EFHC1: variants seen among roughly 807,000 people sequenced by gnomAD.
The protein encoded by EFHC1 is EF-hand domain-containing protein 1.
Under a neutral mutation model 69.9 loss-of-function variants are expected in EFHC1, and 53 were observed. That is an observed-to-expected ratio of 0.76 (90% CI 0.61 to 0.95). The LOEUF (loss-of-function observed/expected upper bound fraction) is 0.95, where lower values mean the gene tolerates loss of function less well. Among genes scored for constraint, EFHC1 ranks in the 40% least tolerant of loss-of-function variants. The pLI is 0.00. For missense variants in EFHC1, 739 were observed against 798.7 expected (o/e 0.93, Z 0.90); for synonymous variants, 256 against 278.4 (o/e 0.92, Z 0.80).
intron 1 of EFHC1, among the ~76,000 whole-genome samples, chr6:52,422,905 A>C (rs971202936): frequency 1.3e-5 from 2 of 152,224 alleles, no homozygotes; most frequent in Non-Finnish European, 2.9e-5. Flanking sequence ...TAAATCATAA[A>C]TATTTTCACC....
rs1333341080 is a variant in EFHC1 at position 52,493,909 on chromosome 6, C to G, written c.*1568C>G. Reference sequence around the variant, plus strand: ...AGACTGCTTTGCCCTCTCAGAACTTCTAGGGAACTTCCCTTGGTGTTTCCT... The same window carrying G: ...AGACTGCTTTGCCCTCTCAGAACTTGTAGGGAACTTCCCTTGGTGTTTCCT... On this transcript the variant is annotated 3_prime_UTR_variant, in exon 11 of 11. Coordinates refer to ENST00000371068, the MANE Select transcript of EFHC1 (RefSeq NM_018100.4). 4.4e-6 allele frequency: 2 copies of G among 454,128 alleles called. No homozygotes were observed. The highest frequency in any genetic ancestry group is 1.4e-4 in the East Asian group (2 of 14,402). The allele number at this position is 454,128 out of a possible 1,614,324, so 28.1% of individuals were successfully genotyped here. A position where few individuals can be genotyped will look rare whatever the true frequency, so the allele number is the denominator to read the frequency against.
intron 7 of EFHC1, among the ~76,000 whole-genome samples, chr6:52,472,806 CTTTAGGTGTTACATATCT>C (rs1765467776): frequency 6.6e-6 from 1 of 151,610 alleles, no homozygotes; most frequent in African/African-American, 2.4e-5. Flanking sequence ...TACAAAAACA[CTTTAGGTGTTACATATCT>C]TTTAGGTGTT....
At chr6:52,455,688 G>A (rs1045679819) in intron 5 of EFHC1, among the ~76,000 whole-genome samples, 36 of 152,084 alleles carry the variant, frequency 2.4e-4, no homozygotes, top group African/African-American at 7.0e-4. Flanking sequence ...CAGGTATTGA[G>A]CAAGAAGTTT....
intron 1 of EFHC1, chr6:52,420,898 G>A: frequency 3.7e-6 from 2 of 538,526 alleles, no homozygotes; most frequent in Non-Finnish European, 5.3e-6. Flanking sequence ...TCCGTCCATC[G>A]CCGCCCTTAA....
chr6:52,490,621 A>T, intron 10 of EFHC1: 2 of 588,246 alleles, frequency 3.4e-6, no homozygotes, highest in Non-Finnish European at 6.0e-6. Flanking sequence ...GAAGAAGGGC[A>T]ACAGAGACGA....
intron 6 of EFHC1, among the ~76,000 whole-genome samples, chr6:52,466,494 C>T (rs948194934): frequency 2.0e-5 from 3 of 152,160 alleles, no homozygotes; most frequent in Non-Finnish European, 4.4e-5. Flanking sequence ...GGGCAAAAAG[C>T]CTTTCATCTC....
chr6:52,439,053 C>T (rs968740469), intron 3 of EFHC1, among the ~76,000 whole-genome samples: 1 of 152,058 alleles, frequency 6.6e-6, no homozygotes, highest in Non-Finnish European at 1.5e-5. Flanking sequence ...GGAAAGCTTA[C>T]CATCTAAAGA....
At chr6:52,452,547 C>A in intron 3 of EFHC1, 141 bp from the exon 4 acceptor site, 1 of 896,910 alleles carries the variant, frequency 1.1e-6, no homozygotes, top group Non-Finnish European at 1.8e-6. Flanking sequence ...AGGAGTCCTC[C>A]TACCTCAGCC....
chr6:52,470,594 T>C (rs9395796), intron 7 of EFHC1, among the ~76,000 whole-genome samples: 27,392 of 152,224 alleles, frequency 0.18, 2,928 homozygotes, highest in Non-Finnish European at 0.24. Flanking sequence ...AGGCTAATTG[T>C]CTTGTCCCAG....
intron 7 of EFHC1, among the ~76,000 whole-genome samples, chr6:52,477,521 T>G (rs568639353): frequency 6.6e-6 from 1 of 152,074 alleles, no homozygotes; most frequent in Admixed American, 6.6e-5. Context: ...TTAGAAAAAG[T>G]CTCATCTGAC....
chr6:52,428,475 A>G (rs1163377276), intron 2 of EFHC1, among the ~76,000 whole-genome samples: 1 of 152,210 alleles, frequency 6.6e-6, no homozygotes, highest in Non-Finnish European at 1.5e-5. Context: ...TTCACTTAGA[A>G]TAATAGTCTC....
chr6:52,480,763 G>A (rs1304165035), intron 9 of EFHC1, among the ~76,000 whole-genome samples: 1 of 152,260 alleles, frequency 6.6e-6, no homozygotes, highest in East Asian at 1.9e-4. Flanking sequence ...CTAAATACTA[G>A]CAATATTTTA....
chr6:52,472,188 G>T (rs1765453143), intron 7 of EFHC1, among the ~76,000 whole-genome samples: 1 of 151,478 alleles, frequency 6.6e-6, no homozygotes, highest in Non-Finnish European at 1.5e-5. Flanking sequence ...TAAAAAAAAA[G>T]AATAAAAGGG....
rs1294961623 is a variant in EFHC1 at position 52,496,904 on chromosome 6, T to C, written c.*4563T>C. On this transcript the variant is annotated 3_prime_UTR_variant, in exon 11 of 11. Coordinates refer to ENST00000371068, the MANE Select transcript of EFHC1 (RefSeq NM_018100.4). ...ATCTTTTTCCAAAGAAAGATGGTTC[T>C]GGTAAACACAGCAAGCAGCTACAGC... 6.6e-6 allele frequency: 1 copy of C among 152,240 alleles called. No individual in the cohort carries two copies. Among genetic ancestry groups the C allele is most frequent in the Non-Finnish European group, 1.5e-5 (1 of 68,050 alleles). The allele number at this position is 152,240 out of a possible 1,614,324, so 9.4% of individuals were successfully genotyped here. A position where few individuals can be genotyped will look rare whatever the true frequency, so the allele number is the denominator to read the frequency against.
Position 52,492,747 on chromosome 6 carries a change from T to C in EFHC1, c.*406T>C. 2.3e-6 allele frequency: 1 copy of C among 444,312 alleles called. No homozygotes were observed. Among genetic ancestry groups the C allele is most frequent in the South Asian group, 1.6e-5 (1 of 61,862 alleles). 27.5% of individuals were successfully genotyped at this position (444,312 alleles called of 1,614,324 possible). ...CTCCCACTTCAACCTCCCCAGTAGC[T>C]GGGACAACAGGCTCAAGCCACCATG... On this transcript the variant is annotated 3_prime_UTR_variant, in exon 11 of 11. Coordinates refer to ENST00000371068, the MANE Select transcript of EFHC1 (RefSeq NM_018100.4).
In EFHC1 at chr6:52,444,029, C is replaced by T. The variant is rs533629724; in HGVS notation, c.573+5438C>T. On this transcript the variant is annotated intron_variant, in intron 3 of 10. Transcript: ENST00000371068. ...GTCCCTTGTAAGTTGGATTCCTAGG[C>T]ATTTTATTCTCTTTGAAGCAATTGT... 2.0e-3 allele frequency among the ~76,000 whole-genome samples: 306 copies of T among 152,134 alleles called. 1 individual carries two copies. The highest frequency in any genetic ancestry group is 3.4e-3 in the Middle Eastern group (1 of 294).
Position 52,494,687 on chromosome 6 carries a change from A to ACC in EFHC1, c.*2350_*2351dup, listed in dbSNP as rs1241030221. ...CCCAGTAAGTAGTTTTTCCACACATACCCCCTCCTTCCCTTCCCACTCTGG... is the reference window on the plus strand; with the variant it reads ...CCCAGTAAGTAGTTTTTCCACACATACCCCCCCTCCTTCCCTTCCCACTCTGG... On this transcript the variant is annotated 3_prime_UTR_variant, in exon 11 of 11. Coordinates refer to ENST00000371068, the MANE Select transcript of EFHC1 (RefSeq NM_018100.4). The ACC allele has an allele frequency of 4.4e-6, 2 of 453,158 alleles. No individual in the cohort carries two copies. Among genetic ancestry groups the ACC allele is most frequent in the Non-Finnish European group, 8.8e-6 (2 of 226,612 alleles). The allele number at this position is 453,158 out of a possible 1,614,324, so 28.1% of individuals were successfully genotyped here. A position where few individuals can be genotyped will look rare whatever the true frequency, so the allele number is the denominator to read the frequency against.
rs563215476 is a variant in EFHC1 at position 52,448,430 on chromosome 6, A to AT, written c.574-4256dup. Among the ~76,000 whole-genome samples the AT allele has an allele frequency of 7.9e-5, 12 of 152,312 alleles. No homozygotes were observed. In the East Asian group the frequency reaches 2.3e-3, roughly 29 times the overall value. ...GCTAAGGCCATTGGAAAAGTGCAGT[A>AT]TTAGGGTGGGAGTGTCCTGTTTTTC... On this transcript the variant is annotated intron_variant, in intron 3 of 10. Transcript: ENST00000371068.
At chr6:52,472,788 G>A (rs145540065) in intron 7 of EFHC1, among the ~76,000 whole-genome samples, 1 of 151,334 alleles carries the variant, frequency 6.6e-6, no homozygotes, top group African/African-American at 2.4e-5. Context: ...TATCTTTTAG[G>A]TGTTACATAC....
Sources: allele counts gnomAD v4.1 joint callset (sites outside exome capture counted in the v4.1 genomes callset), GRCh38; gene constraint gnomAD v4.1.1; transcripts MANE v1.5; gene names NCBI Gene and HGNC (gene_info 2026-07-23, HGNC 2026-07-21).